VDAC1: variants seen among roughly 807,000 people sequenced by gnomAD.
VDAC1 encodes the protein voltage dependent anion channel 1, also known as non-selective voltage-gated ion channel VDAC1.
In VDAC1, 10 loss-of-function variants were observed where a neutral mutation model predicts 34.7. The observed-to-expected ratio is 0.29, with a 90% CI of 0.18 to 0.49. VDAC1 has a LOEUF of 0.49. Ranked by LOEUF, VDAC1 falls within the 20% of genes least tolerant of loss-of-function variation. VDAC1 has a pLI of 0.99. For missense variants in VDAC1, 230 were observed against 347.9 expected (o/e 0.66, Z 2.69); for synonymous variants, 130 against 136.0 (o/e 0.96, Z 0.30).
chr5:134,016,812 A>T, the VDAC1 span, among the ~76,000 whole-genome samples: 1 of 152,210 alleles, frequency 6.6e-6, no homozygotes, highest in Non-Finnish European at 1.5e-5. Context: ...TGTCTGTCCA[A>T]ACCTGCTGTG....
chr5:134,049,935 C>A, the VDAC1 span, among the ~76,000 whole-genome samples: 2 of 152,110 alleles, frequency 1.3e-5, no homozygotes, highest in African/African-American at 4.8e-5. Context: ...TTAGCTTTTA[C>A]ATATGGAAAT....
At chr5:134,004,232 C>T (rs1156761288) in intron 1 of VDAC1, among the ~76,000 whole-genome samples, 1 of 151,954 alleles carries the variant, frequency 6.6e-6, no homozygotes, top group African/African-American at 2.4e-5. Context: ...TGGCCTGGTC[C>T]GGCGAGCGTG....
At chr5:134,004,192 G>C (rs897444114) in intron 1 of VDAC1, among the ~76,000 whole-genome samples, 39 of 152,150 alleles carry the variant, frequency 2.6e-4, no homozygotes, top group African/African-American at 8.9e-4. Flanking sequence ...GCTCATCCCC[G>C]AGGCGGCAGC....
At chr5:134,076,740 TATC>T in the VDAC1 span, among the ~76,000 whole-genome samples, 1 of 152,062 alleles carries the variant, frequency 6.6e-6, no homozygotes, top group Admixed American at 6.6e-5. Context: ...TCAGATAGAA[TATC>T]ATACCATCCA....
upstream of VDAC1, among the ~76,000 whole-genome samples, chr5:134,007,869 C>G (rs1753781901): frequency 6.6e-6 from 1 of 152,124 alleles, no homozygotes. Flanking sequence ...TTCAATAACC[C>G]CACTTGAGCT....
At chr5:133,978,043 A>G (rs1407274495) in intron 6 of VDAC1, among the ~76,000 whole-genome samples, 1 of 152,202 alleles carries the variant, frequency 6.6e-6, no homozygotes, top group Admixed American at 6.5e-5. Context: ...TGGAAATGGC[A>G]TTGGTTAACT....
the VDAC1 span, among the ~76,000 whole-genome samples, chr5:134,088,953 C>T: frequency 6.6e-6 from 1 of 152,258 alleles, no homozygotes; most frequent in Admixed American, 6.5e-5. Flanking sequence ...GGTTCATCCA[C>T]GCTGTTGCAT....
At chr5:134,070,438 G>A in the VDAC1 span, among the ~76,000 whole-genome samples, 4 of 152,132 alleles carry the variant, frequency 2.6e-5, no homozygotes, top group African/African-American at 7.2e-5. Flanking sequence ...GAGCCACCAC[G>A]CCTGGCTGAA....
intron 8 of VDAC1, among the ~76,000 whole-genome samples, chr5:133,973,384 A>T (rs1000103839): frequency 6.6e-6 from 1 of 152,224 alleles, no homozygotes; most frequent in African/African-American, 2.4e-5. Flanking sequence ...CTAGAACTAT[A>T]ATACGCCGTG....
At chr5:133,976,335 GTT>G in intron 6 of VDAC1, 4 of 220,426 alleles carry the variant, frequency 1.8e-5, no homozygotes, top group South Asian at 7.9e-5. Flanking sequence ...GTGAAACCCT[GTT>G]TCTACTAAAA....
At chr5:134,009,828 G>A (rs528673948), upstream of VDAC1, among the ~76,000 whole-genome samples, 69 of 151,674 alleles carry the variant, frequency 4.5e-4, no homozygotes, top group Non-Finnish European at 8.1e-4. Flanking sequence ...CTACAGGTGC[G>A]TGCCACCACG....
intron 6 of VDAC1, among the ~76,000 whole-genome samples, chr5:133,978,752 C>T (rs969244069): frequency 1.3e-5 from 2 of 152,148 alleles, no homozygotes; most frequent in Non-Finnish European, 1.5e-5. Context: ...GTGGCTCACA[C>T]CTGTAATCCC....
At chr5:133,989,660 C>CTT (rs58777659) in intron 5 of VDAC1, among the ~76,000 whole-genome samples, 1 of 145,222 alleles carries the variant, frequency 6.9e-6, no homozygotes, top group Non-Finnish European at 1.5e-5. Flanking sequence ...GCATCCGACT[C>CTT]TTTTTTTTTT....
At chr5:134,034,809 A>T in the VDAC1 span, among the ~76,000 whole-genome samples, 1 of 151,392 alleles carries the variant, frequency 6.6e-6, no homozygotes, top group Non-Finnish European at 1.5e-5. Context: ...AGGAGCTGCG[A>T]GTAAGGAAAG....
At chr5:134,058,548 C>G in the VDAC1 span, among the ~76,000 whole-genome samples, 1 of 152,086 alleles carries the variant, frequency 6.6e-6, no homozygotes, top group Non-Finnish European at 1.5e-5. Flanking sequence ...ATCTCCTGAC[C>G]TCATGATCCA....
At chr5:134,010,352 C>T in the VDAC1 span, among the ~76,000 whole-genome samples, 39,385 of 151,940 alleles carry the variant, frequency 0.26, 6,081 homozygotes, top group Non-Finnish European at 0.33. Context: ...AATCCCAGCA[C>T]TTTGGGAGGC....
intron 1 of VDAC1, among the ~76,000 whole-genome samples, chr5:134,002,045 G>C (rs1043919609): frequency 1.3e-5 from 2 of 152,000 alleles, no homozygotes; most frequent in African/African-American, 4.8e-5. Flanking sequence ...TCCAAGCTTC[G>C]GCTGGTCCTC....
the VDAC1 span, among the ~76,000 whole-genome samples, chr5:134,103,944 A>G: frequency 0.37 from 55,927 of 152,046 alleles, 12,859 homozygotes; most frequent in Non-Finnish European, 0.52. Context: ...ATCTCTGAGG[A>G]CCTGGGGCTT....
At chr5:134,009,124 T>C (rs1048285827), upstream of VDAC1, among the ~76,000 whole-genome samples, 3 of 152,026 alleles carry the variant, frequency 2.0e-5, no homozygotes, top group Admixed American at 2.0e-4. Flanking sequence ...CTAAAACAAT[T>C]CCAAGAAGCT....
Sources: gnomAD v4.1 joint callset for allele counts (sites outside exome capture counted in the v4.1 genomes callset) on GRCh38, gnomAD v4.1.1 for gene constraint, MANE v1.5 for transcripts, NCBI Gene and HGNC (gene_info 2026-07-23, HGNC 2026-07-21) for gene names.